The following TP53INP1 variants were observed in gnomAD, a reference collection of about 807,000 sequenced individuals.
TP53INP1 encodes tumor protein p53 inducible nuclear protein 1, also known as tumor protein p53-inducible nuclear protein 1.
In TP53INP1, 12 loss-of-function variants were observed where a neutral mutation model predicts 21.0. That is an observed-to-expected ratio of 0.57 (90% confidence interval 0.37 to 0.93). The LOEUF (loss-of-function observed/expected upper bound fraction) is 0.93, where lower values mean the gene tolerates loss of function less well. Ranked by LOEUF, TP53INP1 falls within the 40% of genes least tolerant of loss-of-function variation. The probability of loss-of-function intolerance (pLI) is 0.01; values close to 1 mark genes in which losing one functional copy is unlikely to be tolerated. For synonymous variants in TP53INP1, 91 were observed against 94.8 expected (o/e 0.96, Z 0.23); for missense variants, 274 against 294.7 (o/e 0.93, Z 0.51).
rs1426055867 is a variant in TP53INP1, at chr8:94,927,265, TATATA to T, written c.*3209_*3213del. On this transcript the variant is annotated 3_prime_UTR_variant, in exon 4 of 4. Transcript: ENST00000342697. ...TTTTCTTAAGAGTACATAAAGATAA[TATATA>T]ATGTATTTCATTGAGGAGGAAGAGA... 2 of 152,568 alleles carry T rather than the reference TATATA, an allele frequency of 1.3e-5. No individual in the cohort carries two copies. Among genetic ancestry groups the T allele is most frequent in the African/African-American group, 4.8e-5 (2 of 41,438 alleles). 9.5% of individuals were successfully genotyped at this position (152,568 alleles called of 1,614,324 possible). A position where few individuals can be genotyped will look rare whatever the true frequency, so the allele number is the denominator to read the frequency against.
At chr8:94,947,602 G>T (rs151139929) in intron 1 of TP53INP1, among the ~76,000 whole-genome samples, 1 of 152,140 alleles carries the variant, frequency 6.6e-6, no homozygotes, top group Non-Finnish European at 1.5e-5. Flanking sequence ...CAAAAAAGTT[G>T]TCTTTGCTTG....
intron 1 of TP53INP1, among the ~76,000 whole-genome samples, chr8:94,942,029 C>T (rs1309445505): frequency 1.3e-5 from 2 of 151,850 alleles, no homozygotes; most frequent in East Asian, 3.9e-4. Context: ...CTAGCAGTCA[C>T]CCTTCACGCT....
In TP53INP1 at chr8:94,927,266, A is replaced by G. The variant is rs1362784811; in HGVS notation, c.*3213T>C. 1 of 152,620 alleles carries G rather than the reference A, an allele frequency of 6.6e-6. No homozygotes were observed. The highest frequency in any genetic ancestry group is 6.5e-5 in the Admixed American group (1 of 15,286). 9.5% of individuals were successfully genotyped at this position (152,620 alleles called of 1,614,324 possible). On this transcript the variant is annotated 3_prime_UTR_variant, in exon 4 of 4. Coordinates refer to ENST00000342697, the MANE Select transcript of TP53INP1 (RefSeq NM_033285.4). The stretch of plus-strand genomic sequence containing the variant: ...TTTCTTAAGAGTACATAAAGATAAT[A>G]TATAATGTATTTCATTGAGGAGGAA...
In TP53INP1 at chr8:94,940,073, A is replaced by G; in HGVS notation, c.260T>C (p.Phe87Ser). 2 of 1,614,192 alleles carry G rather than the reference A, an allele frequency of 1.2e-6. No homozygotes were observed. Among genetic ancestry groups the G allele is most frequent in the East Asian group, 2.2e-5 (1 of 44,886 alleles). Residue 87 changes from phenylalanine (F) to serine (S), a missense_variant, in exon 3 of 4, where the codon TTT becomes TCT. Phe to Ser is a radical substitution (Grantham distance 155, BLOSUM62 -2). Transcript: ENST00000342697. ...GCTCTCCTCCATTGGACATGACTCA[A>G]ACTGGAGAAAGCAGGAATCACTTGT... ...ADTSDSCFLQ[F>S]ESCPMEESWF...
intron 3 of TP53INP1, among the ~76,000 whole-genome samples, chr8:94,932,311 A>G (rs1007943497): frequency 6.6e-6 from 1 of 152,246 alleles, no homozygotes; most frequent in Non-Finnish European, 1.5e-5. Flanking sequence ...TATACCCTGA[A>G]GCCCACTGTA....
At position 94,930,459 on chromosome 8, in the gene TP53INP1, A is replaced by G; in HGVS notation, c.*20T>C. The G allele has an allele frequency of 6.2e-7, 1 of 1,612,912 alleles. No individual in the cohort carries two copies. The highest frequency in any genetic ancestry group is 1.3e-5 in the African/African-American group (1 of 75,036). ...TGTAAGCACAAACCAAGAGAAACCA[A>G]CCAACAAAACTTGAAACTATTAGTA... On this transcript the variant is annotated 3_prime_UTR_variant, in exon 4 of 4. Coordinates refer to ENST00000342697, the MANE Select transcript of TP53INP1 (RefSeq NM_033285.4).
In TP53INP1 at chr8:94,948,829, C is replaced by A. The variant is rs370843658; in HGVS notation, c.-151+325G>T. Among the ~76,000 whole-genome samples the A allele has an allele frequency of 8.1e-3, 1,230 of 152,124 alleles. 26 individuals carry two copies. Among genetic ancestry groups the A allele is most frequent in the African/African-American group, 0.027 (1,131 of 41,540 alleles). Reference sequence around the variant, plus strand: ...CGCGGCCAAGAAAACAAGCCACGCTCGGGGGAGGAGGCAGAGACCAAACTC... The same window carrying A: ...CGCGGCCAAGAAAACAAGCCACGCTAGGGGGAGGAGGCAGAGACCAAACTC... On this transcript the variant is annotated intron_variant, in intron 1 of 3. Transcript: ENST00000342697.
At chr8:94,932,046 C>T (rs1327309391) in intron 3 of TP53INP1, 2 of 1,603,552 alleles carry the variant, frequency 1.2e-6, no homozygotes, top group Non-Finnish European at 1.7e-6. Flanking sequence ...ATATATCACA[C>T]AGTCTCAAAG....
chr8:94,932,173 T>C, intron 3 of TP53INP1: 2 of 1,531,704 alleles, frequency 1.3e-6, no homozygotes, highest in Non-Finnish European at 8.9e-7. Flanking sequence ...GTAACTTTAC[T>C]ATTAGGACGT....
chr8:94,943,664 T>G (rs909573477), intron 1 of TP53INP1, among the ~76,000 whole-genome samples: 2 of 152,224 alleles, frequency 1.3e-5, no homozygotes, highest in Non-Finnish European at 2.9e-5. Flanking sequence ...CTAATGAGAT[T>G]CCTGGTTCAG....
At chr8:94,941,643 T>C (rs1228498283) in intron 1 of TP53INP1, among the ~76,000 whole-genome samples, 1 of 152,254 alleles carries the variant, frequency 6.6e-6, no homozygotes, top group African/African-American at 2.4e-5. Context: ...AAATTTACAC[T>C]GTAGGAAACT....
intron 1 of TP53INP1, among the ~76,000 whole-genome samples, chr8:94,944,034 C>T (rs1821784916): frequency 6.6e-6 from 1 of 152,160 alleles, no homozygotes; most frequent in African/African-American, 2.4e-5. Context: ...TTTGAGGATA[C>T]ATGCTTAGAG....
chr8:94,948,254 G>A (rs1822188140), intron 1 of TP53INP1, among the ~76,000 whole-genome samples: 1 of 152,134 alleles, frequency 6.6e-6, no homozygotes, highest in Non-Finnish European at 1.5e-5. Context: ...TTTATTAATT[G>A]GCTGTGTGGC....
chr8:94,939,285 C>A (rs941817512), intron 3 of TP53INP1, among the ~76,000 whole-genome samples: 2 of 152,188 alleles, frequency 1.3e-5, no homozygotes, highest in Non-Finnish European at 2.9e-5. Flanking sequence ...TTCTAAGATA[C>A]TTAACAGAAA....
rs1040010617 is a variant in TP53INP1, at chr8:94,933,836, G to T, written c.474-3108C>A. 1.4e-4 allele frequency among the ~76,000 whole-genome samples: 20 copies of T among 145,360 alleles called. 2 individuals carry two copies. The highest frequency in any genetic ancestry group is 4.7e-4 in the African/African-American group (18 of 38,530). On this transcript the variant is annotated intron_variant, in intron 3 of 3. Coordinates refer to ENST00000342697, the MANE Select transcript of TP53INP1 (RefSeq NM_033285.4). ...ATGCCTGTAATCCCAGCACTTTGTG[G>T]GGGGGGGGGGAGGATCACGAGGTCA...
chr8:94,932,717 G>A (rs1290299011), intron 3 of TP53INP1, among the ~76,000 whole-genome samples: 1 of 152,106 alleles, frequency 6.6e-6, no homozygotes. Flanking sequence ...GCAGGAGAAC[G>A]GCATGAACCC....
intron 3 of TP53INP1, among the ~76,000 whole-genome samples, chr8:94,931,323 C>CAAG (rs1820370484): frequency 6.6e-6 from 1 of 152,142 alleles, no homozygotes; most frequent in African/African-American, 2.4e-5. Flanking sequence ...GAATAAATCT[C>CAAG]TTAAGTTTTT....
At chr8:94,934,836 CT>C (rs1330903136) in intron 3 of TP53INP1, among the ~76,000 whole-genome samples, 1 of 152,100 alleles carries the variant, frequency 6.6e-6, no homozygotes, top group African/African-American at 2.4e-5. Flanking sequence ...CCTGAAACAC[CT>C]CTTAATAAAC....
At chr8:94,931,921 A>T in intron 3 of TP53INP1, 1 of 658,252 alleles carries the variant, frequency 1.5e-6, no homozygotes, top group Non-Finnish European at 2.4e-6. Flanking sequence ...GCTGTGAGCC[A>T]ATATCACACC....
Sources: allele counts gnomAD v4.1 joint callset (sites outside exome capture counted in the v4.1 genomes callset), GRCh38; gene constraint gnomAD v4.1.1; transcripts MANE v1.5; gene names NCBI Gene and HGNC (gene_info 2026-07-23, HGNC 2026-07-21).